GRM1: variants seen among roughly 807,000 people sequenced by gnomAD.
GRM1 encodes glutamate metabotropic receptor 1, also known as metabotropic glutamate receptor 1.
Under a neutral mutation model 90.9 loss-of-function variants are expected in GRM1, and 33 were observed. The ratio of observed to expected loss-of-function variants is 0.36; its 90% CI spans 0.28 to 0.49. The LOEUF (loss-of-function observed/expected upper bound fraction) is 0.49, where lower values mean the gene tolerates loss of function less well. Among genes scored for constraint, GRM1 ranks in the 20% least tolerant of loss-of-function variants. GRM1 has a pLI of 0.99. For missense variants in GRM1, 1,190 were observed against 1,534.3 expected (o/e 0.78, Z 3.75); for synonymous variants, 700 against 613.2 (o/e 1.14, Z -2.09).
intron 1 of GRM1, among the ~76,000 whole-genome samples, chr6:146,152,313 CA>C (rs143521213): frequency 0.053 from 8,046 of 151,946 alleles, 701 homozygotes; most frequent in African/African-American, 0.18. Flanking sequence ...TGCTTGGCAT[CA>C]GGCCCACTTT....
chr6:146,131,101 T>TTAGA (rs1391610590), intron 1 of GRM1, among the ~76,000 whole-genome samples: 1 of 152,106 alleles, frequency 6.6e-6, no homozygotes, highest in Non-Finnish European at 1.5e-5. Flanking sequence ...GTTTCAGGAG[T>TTAGA]TAGAATAATT....
chr6:146,419,735 G>C (rs1777919063), intron 7 of GRM1, among the ~76,000 whole-genome samples: 2 of 152,226 alleles, frequency 1.3e-5, no homozygotes, highest in Admixed American at 6.5e-5. Context: ...TGAGTGAAGG[G>C]GGAAGTGCCA....
intron 2 of GRM1, among the ~76,000 whole-genome samples, chr6:146,235,016 G>A (rs1461962072): frequency 6.6e-6 from 1 of 152,160 alleles, no homozygotes; most frequent in Non-Finnish European, 1.5e-5. Flanking sequence ...GATTACAGGA[G>A]TGAGCCACTG....
intron 1 of GRM1, among the ~76,000 whole-genome samples, chr6:146,134,856 G>A (rs1044690769): frequency 1.4e-4 from 21 of 152,056 alleles, no homozygotes; most frequent in African/African-American, 2.7e-4. Flanking sequence ...GCGGGAACCC[G>A]GGAGGCAGAG....
chr6:146,099,598 T>C (rs1776982724), intron 1 of GRM1, among the ~76,000 whole-genome samples: 1 of 152,178 alleles, frequency 6.6e-6, no homozygotes, highest in South Asian at 2.1e-4. Flanking sequence ...ATAATTTCCC[T>C]AAGGAAAAAG....
At position 146,196,877 on chromosome 6, in the gene GRM1, C is replaced by T. The variant is rs117155026; in HGVS notation, c.950+37280C>T. Among the ~76,000 whole-genome samples, 918 of 152,106 alleles carry T rather than the reference C, an allele frequency of 6.0e-3. 9 individuals are homozygous for T. Among genetic ancestry groups the T allele is most frequent in the Admixed American group, 0.019 (289 of 15,276 alleles). On this transcript the variant is annotated intron_variant, in intron 2 of 7. Transcript: ENST00000282753. Reference sequence around the variant, plus strand: ...TGTCAATCAATCATTTGTTAAGAATCGATACAAAGCCCTGTGTTGGGTACT... The same window carrying T: ...TGTCAATCAATCATTTGTTAAGAATTGATACAAAGCCCTGTGTTGGGTACT...
At position 146,328,175 on chromosome 6, in the gene GRM1, T is replaced by C. The variant is rs114884991; in HGVS notation, c.1186+23329T>C. ...ATATGCCAGAAACCAGATGGGATTT[T>C]CTGTAATTGCAATCATTTATATTGT... On this transcript the variant is annotated intron_variant, in intron 3 of 7. Coordinates refer to ENST00000282753, the MANE Select transcript of GRM1 (RefSeq NM_001278064.2). 2.2e-3 allele frequency among the ~76,000 whole-genome samples: 336 copies of C among 152,368 alleles called. 1 individual carries two copies. The highest frequency in any genetic ancestry group is 7.7e-3 in the African/African-American group (321 of 41,588).
intron 2 of GRM1, among the ~76,000 whole-genome samples, chr6:146,223,287 G>T (rs1780133163): frequency 6.6e-6 from 1 of 152,002 alleles, no homozygotes. Flanking sequence ...TAAGAGAAAA[G>T]AATAATCCAC....
intron 7 of GRM1, among the ~76,000 whole-genome samples, chr6:146,431,889 A>G (rs1429799026): frequency 2.0e-5 from 3 of 152,224 alleles, no homozygotes; most frequent in African/African-American, 7.2e-5. Flanking sequence ...ATAGTGGTAG[A>G]TGATGGGGCA....
At chr6:146,407,816 T>G (rs950826721) in intron 7 of GRM1, among the ~76,000 whole-genome samples, 20 of 152,194 alleles carry the variant, frequency 1.3e-4, no homozygotes, top group African/African-American at 4.1e-4. Context: ...ATTCACGCAT[T>G]AAATTCAATT....
chr6:146,121,474 G>T (rs1045981847), intron 1 of GRM1, among the ~76,000 whole-genome samples: 2 of 151,776 alleles, frequency 1.3e-5, no homozygotes, highest in Non-Finnish European at 2.9e-5. Context: ...TTTCCCTTCC[G>T]CTAGGTTTTG....
At chr6:146,246,514 C>T (rs546228166) in intron 2 of GRM1, among the ~76,000 whole-genome samples, 1 of 152,218 alleles carries the variant, frequency 6.6e-6, no homozygotes, top group East Asian at 1.9e-4. Flanking sequence ...TGCTGAGAGC[C>T]AAGGGTTAAG....
At chr6:146,231,774 A>G (rs1022278578) in intron 2 of GRM1, among the ~76,000 whole-genome samples, 2 of 152,070 alleles carry the variant, frequency 1.3e-5, no homozygotes, top group Non-Finnish European at 2.9e-5. Context: ...TACTTTAACC[A>G]TGATATATTA....
intron 3 of GRM1, among the ~76,000 whole-genome samples, chr6:146,321,412 T>G (rs139619740): frequency 6.6e-6 from 1 of 152,310 alleles, no homozygotes; most frequent in South Asian, 2.1e-4. Flanking sequence ...TTAGAATAAG[T>G]GCGATGTGGT....
At chr6:146,144,623 T>C (rs970802022) in intron 1 of GRM1, among the ~76,000 whole-genome samples, 5 of 152,202 alleles carry the variant, frequency 3.3e-5, no homozygotes, top group African/African-American at 1.2e-4. Context: ...AAAAACAGAC[T>C]ACAACAGAAA....
intron 2 of GRM1, among the ~76,000 whole-genome samples, chr6:146,266,582 C>T (rs1381282961): frequency 2.0e-5 from 3 of 152,208 alleles, no homozygotes; most frequent in Non-Finnish European, 4.4e-5. Context: ...TTTCCCTGAT[C>T]TCCCAGCTTC....
intron 2 of GRM1, among the ~76,000 whole-genome samples, chr6:146,268,904 A>G (rs1391330820): frequency 2.6e-5 from 4 of 152,214 alleles, no homozygotes; most frequent in Non-Finnish European, 5.9e-5. Flanking sequence ...AAAAACAGAC[A>G]TAGACCAATG....
Position 146,323,059 on chromosome 6 carries a change from C to T in GRM1, c.1186+18213C>T, listed in dbSNP as rs552673943. 6.6e-5 allele frequency among the ~76,000 whole-genome samples: 10 copies of T among 152,208 alleles called. No individual in the cohort carries two copies. In the South Asian group the frequency reaches 8.3e-4, roughly 13 times the overall value. On this transcript the variant is annotated intron_variant, in intron 3 of 7. Coordinates refer to ENST00000282753, the MANE Select transcript of GRM1 (RefSeq NM_001278064.2). ...GCTATTGTGAATGTCCCGCTATAAA[C>T]GTACGTGTGCATGTGTCCTTATAGC...
intron 2 of GRM1, among the ~76,000 whole-genome samples, chr6:146,242,866 T>C (rs991733029): frequency 6.6e-6 from 1 of 152,156 alleles, no homozygotes; most frequent in East Asian, 1.9e-4. Flanking sequence ...ATCTGAGATA[T>C]AGAAATTGCT....
Sources: allele counts gnomAD v4.1 joint callset (sites outside exome capture counted in the v4.1 genomes callset), GRCh38; gene constraint gnomAD v4.1.1; transcripts MANE v1.5; gene names NCBI Gene and HGNC (gene_info 2026-07-23, HGNC 2026-07-21).